The following FBXO34 variants were observed in gnomAD, a reference collection of about 807,000 sequenced individuals.
The protein encoded by FBXO34 is F-box protein 34.
Under a neutral mutation model 24.5 loss-of-function variants are expected in FBXO34, and 12 were observed. The ratio of observed to expected loss-of-function variants is 0.49; its 90% confidence interval spans 0.31 to 0.79. FBXO34 has a LOEUF of 0.79. Ranked by LOEUF, FBXO34 falls within the 30% of genes least tolerant of loss-of-function variation. The pLI is 0.04. For synonymous variants in FBXO34, 320 were observed against 311.9 expected (o/e 1.03, Z -0.27); for missense variants, 823 against 857.7 (o/e 0.96, Z 0.51).
chr14:55,349,607 C>CTTTTTTTTTTTTT lies in FBXO34; in HGVS notation c.-10-768_-10-756dup, dbSNP rs57284715. Among the ~76,000 whole-genome samples the CTTTTTTTTTTTTT allele has an allele frequency of 5.1e-5, 6 of 116,608 alleles. 1 individual carries two copies. Among genetic ancestry groups the CTTTTTTTTTTTTT allele is most frequent in the East Asian group, 5.0e-4 (2 of 3,982 alleles). 76.5% of individuals were successfully genotyped at this position (116,608 alleles called of 152,430 possible). ...GAATAGTTTAGGAAGCAATAATTTTCTTTTTTTTTTTTTTTTTTGAGACAA... is the reference window on the plus strand; with the variant it reads ...GAATAGTTTAGGAAGCAATAATTTTCTTTTTTTTTTTTTTTTTTTTTTTTTTTTTTTGAGACAA... On this transcript the variant is annotated intron_variant, in intron 1 of 1. Transcript: ENST00000313833.
the FBXO34 span, among the ~76,000 whole-genome samples, chr14:55,434,697 G>C: frequency 1.3e-5 from 2 of 152,172 alleles, no homozygotes; most frequent in Admixed American, 6.5e-5. Flanking sequence ...ACCATTGTCA[G>C]CTGTATGAAA....
chr14:55,394,118 T>A, the FBXO34 span, among the ~76,000 whole-genome samples: 1 of 151,842 alleles, frequency 6.6e-6, no homozygotes, highest in Non-Finnish European at 1.5e-5. Context: ...GTGATTCTCC[T>A]GCCACAGCCT....
chr14:55,342,595 GT>G (rs577797866), intron 1 of FBXO34, among the ~76,000 whole-genome samples: 1 of 151,878 alleles, frequency 6.6e-6, no homozygotes, highest in Non-Finnish European at 1.5e-5. Context: ...CATTTTTTCT[GT>G]CAGTGCTTAG....
intron 1 of FBXO34, among the ~76,000 whole-genome samples, chr14:55,290,637 C>G (rs1386287556): frequency 6.6e-6 from 1 of 152,022 alleles, no homozygotes; most frequent in East Asian, 1.9e-4. Flanking sequence ...GGCAGAGGTT[C>G]TATGTTACCC....
At position 55,351,366 on chromosome 14, in the gene FBXO34, G is replaced by A. The variant is rs1163305030; in HGVS notation, c.976G>A (p.Gly326Ser). 2.0e-5 allele frequency: 33 copies of A among 1,614,080 alleles called. No individual in the cohort carries two copies. Among genetic ancestry groups the A allele is most frequent in the Non-Finnish European group, 2.5e-5 (30 of 1,180,048 alleles). Residue 326 changes from glycine to serine, a missense_variant, in exon 2 of 2, where the codon GGC becomes AGC. Gly to Ser is a moderately conservative substitution (Grantham distance 56). Transcript: ENST00000313833. ...TGCAAATAGCACTCAGGCTGATGAA[G>A]GCAAAACAAAGAAAGGCGTCTTGGA... ...LLANSTQADE[G>S]KTKKGVLEAP...
chr14:55,285,557 C>G (rs1413851667), intron 1 of FBXO34: 3 of 150,694 alleles, frequency 2.0e-5, no homozygotes, highest in African/African-American at 4.9e-5. Context: ...GACTCTGTCT[C>G]TTTAAAAAAA....
chr14:55,351,963 A>T lies in FBXO34; in HGVS notation c.1573A>T (p.Ser525Cys), dbSNP rs774052421. 6.2e-7 allele frequency: 1 copy of T among 1,614,134 alleles called. No individual in the cohort carries two copies. The highest frequency in any genetic ancestry group is 8.5e-7 in the Non-Finnish European group (1 of 1,179,992). Residue 525 changes from serine (S) to cysteine (C), a missense_variant, in exon 2 of 2, where the codon AGT (serine) becomes TGT (cysteine). Physicochemically the swap from Ser to Cys is moderately radical, Grantham distance 112 (BLOSUM62 -1). Around this residue, in one of 2 missense-constraint regions of FBXO34, gnomAD observed 693 missense variants for 659.1 expected, o/e 1.05. Coordinates refer to ENST00000313833, the MANE Select transcript of FBXO34 (RefSeq NM_017943.4). The part of the protein sequence containing the change: ...AGGDSASEEK[S>C]GSAEPFVLPA... Reference sequence around the variant, plus strand: ...GGGTGACAGTGCATCTGAGGAAAAAAGTGGGTCTGCTGAGCCATTTGTACT... The same window carrying T: ...GGGTGACAGTGCATCTGAGGAAAAATGTGGGTCTGCTGAGCCATTTGTACT...
At chr14:55,336,049 TTAAAG>T (rs1566561301) in intron 1 of FBXO34, among the ~76,000 whole-genome samples, 1 of 152,200 alleles carries the variant, frequency 6.6e-6, no homozygotes, top group Non-Finnish European at 1.5e-5. Flanking sequence ...ATATATGTCT[TTAAAG>T]TATGAAAGTT....
chr14:55,423,229 T>A, the FBXO34 span, among the ~76,000 whole-genome samples: 1 of 152,268 alleles, frequency 6.6e-6, no homozygotes, highest in South Asian at 2.1e-4. Context: ...AAGTTTTCTT[T>A]GGTACCATTT....
chr14:55,403,775 T>C, the FBXO34 span, among the ~76,000 whole-genome samples: 1 of 152,344 alleles, frequency 6.6e-6, no homozygotes, highest in South Asian at 2.1e-4. Context: ...CTGTGCATCA[T>C]CTATAATAGA....
chr14:55,287,863 C>G (rs1223385954), intron 1 of FBXO34, among the ~76,000 whole-genome samples: 1 of 152,186 alleles, frequency 6.6e-6, no homozygotes, highest in Non-Finnish European at 1.5e-5. Context: ...CTAATAAGCC[C>G]AACATGCATT....
chr14:55,431,804 T>G, the FBXO34 span, among the ~76,000 whole-genome samples: 1 of 152,216 alleles, frequency 6.6e-6, no homozygotes, highest in East Asian at 1.9e-4. Context: ...CCAATTAATA[T>G]AAATTCAGTC....
chr14:55,369,835 A>G (rs2140115025), downstream of FBXO34: 1 of 1,614,146 alleles, frequency 6.2e-7, no homozygotes. Context: ...TGACGCGCTC[A>G]TCTCCGCTCT....
chr14:55,328,179 G>A (rs1380777397), intron 1 of FBXO34, among the ~76,000 whole-genome samples: 2 of 151,870 alleles, frequency 1.3e-5, no homozygotes, highest in African/African-American at 2.4e-5. Flanking sequence ...GGCTGGTCTC[G>A]AACTCCTGAC....
intron 1 of FBXO34, among the ~76,000 whole-genome samples, chr14:55,295,420 GTC>G (rs1042711152): frequency 1.6e-4 from 19 of 122,022 alleles, no homozygotes; most frequent in Middle Eastern, 5.4e-3. Context: ...TGGAGACAGA[GTC>G]TCTCGTCTGT....
chr14:55,429,240 C>G, the FBXO34 span, among the ~76,000 whole-genome samples: 1 of 152,194 alleles, frequency 6.6e-6, no homozygotes, highest in Non-Finnish European at 1.5e-5. Flanking sequence ...TTTACTTTTA[C>G]TTGGGTGTTA....
At chr14:55,364,001 A>G (rs992645000), downstream of FBXO34, among the ~76,000 whole-genome samples, 7 of 151,668 alleles carry the variant, frequency 4.6e-5, no homozygotes, top group East Asian at 9.7e-4. Flanking sequence ...CTGGACTGCA[A>G]TGGTGTGATC....
chr14:55,380,978 G>A, the FBXO34 span, among the ~76,000 whole-genome samples: 55 of 149,800 alleles, frequency 3.7e-4, no homozygotes, highest in Non-Finnish European at 3.0e-4. Flanking sequence ...ACCTGATAAC[G>A]TAATATCAAA....
At chr14:55,357,648 T>C (rs908885538), downstream of FBXO34, among the ~76,000 whole-genome samples, 2 of 151,896 alleles carry the variant, frequency 1.3e-5, no homozygotes, top group Admixed American at 1.3e-4. Context: ...GACTCTGTCG[T>C]TGTACAAAAA....
Sources: gnomAD v4.1 joint callset for allele counts (sites outside exome capture counted in the v4.1 genomes callset) on GRCh38, gnomAD v4.1.1 for gene constraint, gnomAD v4.1.1 regional missense constraint, MANE v1.5 for transcripts, NCBI Gene and HGNC (gene_info 2026-07-23, HGNC 2026-07-21) for gene names.